Variants in LZIC observed in about 807,000 individuals in gnomAD.
LZIC encodes protein LZIC.
In LZIC, 28 loss-of-function variants were observed where a neutral mutation model predicts 25.4. That is an observed-to-expected ratio of 1.10 (90% confidence interval 0.82 to 1.51). The LOEUF is 1.51. Ranked by LOEUF, LZIC falls within the 40% of genes most tolerant of loss-of-function variation. The pLI, the probability that LZIC is intolerant of heterozygous loss-of-function variation, is 0.00. For missense variants in LZIC, 170 were observed against 211.1 expected (o/e 0.81, Z 1.21); for synonymous variants, 65 against 70.7 (o/e 0.92, Z 0.40).
At chr1:9,925,753 A>G (rs1639965071), downstream of LZIC, among the ~76,000 whole-genome samples, 1 of 147,400 alleles carries the variant, frequency 6.8e-6, no homozygotes, top group Non-Finnish European at 1.5e-5. Flanking sequence ...CCACACCTGG[A>G]TAACTTTTGT....
intron 2 of LZIC, among the ~76,000 whole-genome samples, chr1:9,940,495 T>A (rs574892739): frequency 6.6e-6 from 1 of 152,010 alleles, no homozygotes; most frequent in Non-Finnish European, 1.5e-5. Flanking sequence ...TTGTATATTT[T>A]TTTTAGTAGA....
chr1:9,927,372 G>C lies in LZIC; in HGVS notation c.*3027C>G, dbSNP rs1177839483. On this transcript the variant is annotated 3_prime_UTR_variant, in exon 8 of 8. Transcript: ENST00000377223. The stretch of plus-strand genomic sequence containing the variant: ...CAGCCAGTACAGTGGCGTGATCTCA[G>C]TTCACTGCAACCTCTGCTTCCCAGG... Among the ~76,000 whole-genome samples the C allele has an allele frequency of 6.6e-6, 1 of 152,032 alleles. No individual in the cohort carries two copies. The highest frequency in any genetic ancestry group is 1.5e-5 in the Non-Finnish European group (1 of 68,022).
At position 9,928,047 on chromosome 1, in the gene LZIC, C is replaced by T. The variant is rs1640050587; in HGVS notation, c.*2352G>A. On this transcript the variant is annotated 3_prime_UTR_variant, in exon 8 of 8. Transcript: ENST00000377223. Reference sequence around the variant, plus strand: ...GTGGCTCAGGCCGGGTATGGTGGCTCATGCCTGTAATCATCCCAGCACTCT... The same window carrying T: ...GTGGCTCAGGCCGGGTATGGTGGCTTATGCCTGTAATCATCCCAGCACTCT... 6.6e-6 allele frequency among the ~76,000 whole-genome samples: 1 copy of T among 152,088 alleles called. No homozygotes were observed. Among genetic ancestry groups the T allele is most frequent in the Admixed American group, 6.6e-5 (1 of 15,254 alleles).
chr1:9,932,844 T>C lies in LZIC; in HGVS notation c.391A>G (p.Lys131Glu). ...KLERDLYTQQKVEILTALRKL... is the reference protein window; with the variant it reads ...KLERDLYTQQEVEILTALRKL... Reference sequence around the variant, plus strand: ...CTAAGAGCTGTTAGTATCTCCACTTTCTGTTGAGTGTACAGGTCTCTTTCC... The same window carrying C: ...CTAAGAGCTGTTAGTATCTCCACTTCCTGTTGAGTGTACAGGTCTCTTTCC... The change falls in exon 6 of 8, where the codon AAA becomes GAA. Residue 131 changes from lysine (K) to glutamate (E), a missense_variant. Transcript: ENST00000377223. 2 of 1,613,114 alleles carry C rather than the reference T, an allele frequency of 1.2e-6. No homozygotes were observed. The highest frequency in any genetic ancestry group is 1.7e-6 in the Non-Finnish European group (2 of 1,179,198).
At chr1:9,926,216 A>T (rs903468965), downstream of LZIC, among the ~76,000 whole-genome samples, 1 of 152,152 alleles carries the variant, frequency 6.6e-6, no homozygotes, top group Non-Finnish European at 1.5e-5. Context: ...AATGCTGGAA[A>T]ACATTTTGGA....
intron 3 of LZIC, 82 bp from the exon 4 acceptor site, chr1:9,935,709 A>G: frequency 7.9e-6 from 10 of 1,266,594 alleles, no homozygotes; most frequent in Non-Finnish European, 1.1e-5. Context: ...ACATTAGAGA[A>G]AGACTGAAGG....
downstream of LZIC, chr1:9,922,503 T>C (rs534113646): frequency 1.3e-3 from 235 of 180,848 alleles, no homozygotes; most frequent in Non-Finnish European, 2.2e-3. Flanking sequence ...ACCGAACCTA[T>C]TGAGGGCCTC....
At chr1:9,938,135 A>AT (rs1029779857) in intron 2 of LZIC, among the ~76,000 whole-genome samples, 1 of 152,100 alleles carries the variant, frequency 6.6e-6, no homozygotes, top group African/African-American at 2.4e-5. Context: ...ATATTATCTT[A>AT]TTGGTCTTAT....
chr1:9,933,756 A>C (rs774101871), intron 5 of LZIC, among the ~76,000 whole-genome samples: 11 of 151,828 alleles, frequency 7.2e-5, no homozygotes, highest in Non-Finnish European at 1.5e-4. Context: ...AAATACAAAA[A>C]TTAGTGGGGT....
At chr1:9,940,954 T>C (rs1348651106) in intron 2 of LZIC, among the ~76,000 whole-genome samples, 2 of 152,232 alleles carry the variant, frequency 1.3e-5, no homozygotes, top group African/African-American at 4.8e-5. Flanking sequence ...TAACTGACAA[T>C]GTCTTTTCAG....
chr1:9,929,782 T>C lies in LZIC; in HGVS notation c.*617A>G. 1.0e-6 allele frequency: 1 copy of C among 984,872 alleles called. No homozygotes were observed. Among genetic ancestry groups the C allele is most frequent in the Non-Finnish European group, 1.2e-6 (1 of 829,458 alleles). 61.0% of individuals were successfully genotyped at this position (984,872 alleles called of 1,614,324 possible). ...CAAAAACACTGACTTGCACAAATAG[T>C]GTTAATTATTTTTTTTAAATGGTAC... On this transcript the variant is annotated 3_prime_UTR_variant, in exon 8 of 8. Coordinates refer to ENST00000377223, the MANE Select transcript of LZIC (RefSeq NM_032368.5).
downstream of LZIC, among the ~76,000 whole-genome samples, chr1:9,924,516 A>C (rs1458379050): frequency 6.6e-6 from 1 of 151,990 alleles, no homozygotes; most frequent in East Asian, 1.9e-4. Context: ...CACCATGCCC[A>C]GCTAATTTTT....
chr1:9,932,036 G>A, intron 6 of LZIC, 64 bp from the exon 7 acceptor site: 1 of 1,159,398 alleles, frequency 8.6e-7, no homozygotes, highest in South Asian at 1.3e-5. Flanking sequence ...TAGAAACCAG[G>A]TAAGAATGTC....
chr1:9,941,691 G>A (rs946882024), intron 2 of LZIC, among the ~76,000 whole-genome samples: 1 of 151,480 alleles, frequency 6.6e-6, no homozygotes, highest in Non-Finnish European at 1.5e-5. Context: ...GGAGAGACGG[G>A]TTTCACCATA....
intron 2 of LZIC, among the ~76,000 whole-genome samples, chr1:9,939,875 T>A (rs1381206970): frequency 1.3e-5 from 2 of 152,122 alleles, no homozygotes; most frequent in Non-Finnish European, 2.9e-5. Flanking sequence ...TCCCAGCACT[T>A]TAGGAGGCTA....
chr1:9,934,692 G>T, intron 5 of LZIC, 70 bp downstream of exon 5: 1 of 1,333,952 alleles, frequency 7.5e-7, no homozygotes, highest in Non-Finnish European at 1.1e-6. Context: ...TTAAGCCATA[G>T]GATATCATAA....
chr1:9,930,331 G>A lies in LZIC; in HGVS notation c.*68C>T. 6.3e-7 allele frequency: 1 copy of A among 1,577,232 alleles called. No homozygotes were observed. ...ATCTCTTCATTTCTTTGCAATAACT[G>A]AAAACCCCAGAAGAAAGACACCATT... On this transcript the variant is annotated 3_prime_UTR_variant, in exon 8 of 8. Coordinates refer to ENST00000377223, the MANE Select transcript of LZIC (RefSeq NM_032368.5).
At chr1:9,923,518 C>CTTTTTTTTTTTTTTTTT (rs60858066), downstream of LZIC, among the ~76,000 whole-genome samples, 12 of 74,170 alleles carry the variant, frequency 1.6e-4, 1 homozygote, top group Non-Finnish European at 3.1e-4. Context: ...CCCAATGCTT[C>CTTTTTTTTTTTTTTTTT]TTTTTTTTTT....
At chr1:9,937,684 AAAG>A (rs1640519946) in intron 2 of LZIC, among the ~76,000 whole-genome samples, 1 of 151,634 alleles carries the variant, frequency 6.6e-6, no homozygotes, top group East Asian at 1.9e-4. Flanking sequence ...TCATCTCTAC[AAAG>A]AATAGACAAT....
Sources: allele counts gnomAD v4.1 joint callset (sites outside exome capture counted in the v4.1 genomes callset), GRCh38; gene constraint gnomAD v4.1.1; transcripts MANE v1.5; gene names NCBI Gene and HGNC (gene_info 2026-07-23, HGNC 2026-07-21).